The following DPP10 variants were observed in gnomAD, a reference collection of about 807,000 sequenced individuals.
The protein encoded by DPP10 is dipeptidyl peptidase like 10.
Under a neutral mutation model 120.9 loss-of-function variants are expected in DPP10, and 33 were observed. That is an observed-to-expected ratio of 0.27 (90% CI 0.21 to 0.37). The LOEUF is 0.37. DPP10 is among the 10% of genes least tolerant of loss of function. The pLI is 1.00. For missense variants in DPP10, 816 were observed against 942.8 expected (o/e 0.87, Z 1.76); for synonymous variants, 337 against 326.1 (o/e 1.03, Z -0.36).
At chr2:115,380,163 C>G (rs1297842005) in intron 3 of DPP10, among the ~76,000 whole-genome samples, 5 of 152,110 alleles carry the variant, frequency 3.3e-5, no homozygotes, top group South Asian at 4.1e-4. Context: ...GTTAAAGTCT[C>G]TCATTATTAA....
At chr2:114,723,466 C>T (rs776060929) in intron 1 of DPP10, among the ~76,000 whole-genome samples, 2 of 152,188 alleles carry the variant, frequency 1.3e-5, no homozygotes, top group African/African-American at 2.4e-5. Flanking sequence ...AGACTTCTGT[C>T]GACCAGTTCT....
chr2:115,587,092 T>TC (rs34906678), intron 5 of DPP10, among the ~76,000 whole-genome samples: 23,233 of 131,708 alleles, frequency 0.18, 1,583 homozygotes, highest in East Asian at 0.31. Flanking sequence ...TCTCTTTCTT[T>TC]TTTTTTTTTT....
intron 1 of DPP10, among the ~76,000 whole-genome samples, chr2:115,007,908 C>T (rs1701973466): frequency 1.3e-5 from 2 of 152,042 alleles, no homozygotes; most frequent in Admixed American, 1.3e-4. Flanking sequence ...CTAGAAACCG[C>T]TGCTCAAGGA....
intron 1 of DPP10, among the ~76,000 whole-genome samples, chr2:115,020,900 T>C (rs919625479): frequency 6.6e-6 from 1 of 152,004 alleles, no homozygotes; most frequent in Admixed American, 6.6e-5. Context: ...GGAAATTAAA[T>C]AACCTGCTCC....
chr2:115,415,541 CA>C (rs2069312457), intron 3 of DPP10, among the ~76,000 whole-genome samples: 2 of 151,988 alleles, frequency 1.3e-5, no homozygotes. Context: ...GGCTCAATGC[CA>C]AAAGTTGGAT....
intron 5 of DPP10, among the ~76,000 whole-genome samples, chr2:115,562,848 C>T (rs1273278577): frequency 1.3e-5 from 2 of 152,090 alleles, no homozygotes; most frequent in Non-Finnish European, 2.9e-5. Flanking sequence ...TCTCCATAGC[C>T]AAGGAAGTTC....
At chr2:115,753,793 A>G (rs1679058983) in intron 11 of DPP10, among the ~76,000 whole-genome samples, 1 of 152,314 alleles carries the variant, frequency 6.6e-6, no homozygotes, top group African/African-American at 2.4e-5. Context: ...TTATATTTCA[A>G]TTCTTAATAC....
At chr2:115,797,182 A>T (rs1000746893) in intron 19 of DPP10, among the ~76,000 whole-genome samples, 2 of 152,044 alleles carry the variant, frequency 1.3e-5, no homozygotes, top group African/African-American at 4.8e-5. Flanking sequence ...GACTGAGTTC[A>T]TGAATATTCC....
At chr2:115,814,605 T>G in intron 19 of DPP10, 188 bp from the exon 20 acceptor site, 1 of 417,846 alleles carries the variant, frequency 2.4e-6, no homozygotes, top group Middle Eastern at 6.4e-4. Flanking sequence ...ATTACAGTTT[T>G]ACAAAGGAAA....
At chr2:114,898,628 A>G (rs1289248574) in intron 1 of DPP10, among the ~76,000 whole-genome samples, 5 of 152,208 alleles carry the variant, frequency 3.3e-5, no homozygotes, top group Admixed American at 3.3e-4. Context: ...CAATACTTAC[A>G]TAGCACTGAA....
intron 1 of DPP10, among the ~76,000 whole-genome samples, chr2:114,520,033 C>A (rs1340489013): frequency 6.6e-6 from 1 of 152,196 alleles, no homozygotes; most frequent in Non-Finnish European, 1.5e-5. Flanking sequence ...TCTACTGAAA[C>A]AACTGACCAA....
chr2:114,523,109 A>T (rs1453320339), intron 1 of DPP10, among the ~76,000 whole-genome samples: 1 of 152,190 alleles, frequency 6.6e-6, no homozygotes, highest in Non-Finnish European at 1.5e-5. Context: ...CCTTAGAGGA[A>T]GGATGTGGAT....
chr2:114,616,046 C>T (rs990503690), intron 1 of DPP10, among the ~76,000 whole-genome samples: 1 of 152,116 alleles, frequency 6.6e-6, no homozygotes, highest in Admixed American at 6.6e-5. Context: ...ACTGTTGGCT[C>T]ATCATAAATC....
chr2:114,817,671 G>A (rs770665492), intron 1 of DPP10, among the ~76,000 whole-genome samples: 3 of 152,088 alleles, frequency 2.0e-5, no homozygotes, highest in Non-Finnish European at 2.9e-5. Flanking sequence ...CATGGGAGTC[G>A]GGCTTTCAGA....
intron 1 of DPP10, among the ~76,000 whole-genome samples, chr2:114,581,049 T>C (rs2105084021): frequency 6.6e-6 from 1 of 152,274 alleles, no homozygotes. Context: ...ATCCTCTGAT[T>C]CATCTGATTC....
intron 1 of DPP10, among the ~76,000 whole-genome samples, chr2:114,965,447 T>G (rs1284846213): frequency 6.6e-6 from 1 of 152,124 alleles, no homozygotes; most frequent in African/African-American, 2.4e-5. Context: ...GTTTGGGACA[T>G]TTTAACTTAG....
At chr2:115,690,802 A>G (rs1018478236) in intron 7 of DPP10, among the ~76,000 whole-genome samples, 2 of 152,148 alleles carry the variant, frequency 1.3e-5, no homozygotes, top group African/African-American at 4.8e-5. Context: ...ATTGCTTACT[A>G]TCCTGTGCAT....
At chr2:114,748,356 T>TAA (rs1280344428) in intron 1 of DPP10, among the ~76,000 whole-genome samples, 2 of 133,556 alleles carry the variant, frequency 1.5e-5, no homozygotes, top group East Asian at 4.3e-4. Context: ...TTTTTATTTT[T>TAA]TTTTATTTTA....
intron 1 of DPP10, among the ~76,000 whole-genome samples, chr2:114,595,844 G>A (rs755937240): frequency 2.0e-5 from 3 of 152,108 alleles, no homozygotes; most frequent in Non-Finnish European, 4.4e-5. Context: ...AGCAATGGAT[G>A]ACCTGAATGT....
Sources: gnomAD v4.1 joint callset for allele counts (sites outside exome capture counted in the v4.1 genomes callset) on GRCh38, gnomAD v4.1.1 for gene constraint, MANE v1.5 for transcripts, NCBI Gene and HGNC (gene_info 2026-07-23, HGNC 2026-07-21) for gene names.